ERC1: variants seen among roughly 807,000 people sequenced by gnomAD.
ERC1 encodes RAB6 interacting protein 2.
A neutral mutation model predicts 132.0 loss-of-function variants in ERC1; 56 were observed. The ratio of observed to expected loss-of-function variants is 0.42; its 90% CI spans 0.34 to 0.53. ERC1 has a LOEUF of 0.53. Ranked by LOEUF, ERC1 falls within the 20% of genes least tolerant of loss-of-function variation. The pLI is 0.03. For synonymous variants in ERC1, 478 were observed against 476.1 expected (o/e 1.00, Z -0.05); for missense variants, 1,202 against 1,349.9 (o/e 0.89, Z 1.72).
chr12:1,488,009 G>A (rs896271439), intron 18 of ERC1, among the ~76,000 whole-genome samples: 1 of 151,912 alleles, frequency 6.6e-6, no homozygotes, highest in African/African-American at 2.4e-5. Context: ...GTGGTAGCAG[G>A]CGCCTGTAGT....
intron 2 of ERC1, among the ~76,000 whole-genome samples, chr12:1,079,353 G>T (rs12819323): frequency 7.4e-6 from 1 of 135,198 alleles, no homozygotes; most frequent in Non-Finnish European, 1.6e-5. Context: ...CAGAGATACA[G>T]ATAGAAATGA....
chr12:1,265,346 A>G (rs2077409723), intron 14 of ERC1, among the ~76,000 whole-genome samples: 1 of 152,168 alleles, frequency 6.6e-6, no homozygotes, highest in Non-Finnish European at 1.5e-5. Flanking sequence ...GACTTCTGTT[A>G]TGTATTTTCC....
At chr12:1,040,586 G>A (rs907322068) in intron 2 of ERC1, among the ~76,000 whole-genome samples, 5 of 152,130 alleles carry the variant, frequency 3.3e-5, no homozygotes, top group African/African-American at 7.2e-5. Flanking sequence ...GTTTACAGGC[G>A]TGAGCCACCG....
intron 15 of ERC1, among the ~76,000 whole-genome samples, chr12:1,353,046 T>C (rs991276965): frequency 4.1e-5 from 6 of 147,454 alleles, no homozygotes; most frequent in African/African-American, 7.7e-5. Context: ...TTTTTTTTTT[T>C]CTGAGATGGA....
At chr12:1,351,415 G>A (rs73038661) in intron 15 of ERC1, among the ~76,000 whole-genome samples, 10,291 of 152,228 alleles carry the variant, frequency 0.068, 646 homozygotes, top group African/African-American at 0.16. Context: ...ACCATTTTGC[G>A]TTCCCACCAG....
chr12:1,357,447 A>G (rs548423529), intron 15 of ERC1, among the ~76,000 whole-genome samples: 12 of 152,362 alleles, frequency 7.9e-5, no homozygotes, highest in African/African-American at 2.9e-4. Flanking sequence ...TGCCGAAAGC[A>G]TTCAATAATT....
intron 12 of ERC1, among the ~76,000 whole-genome samples, chr12:1,212,762 C>G (rs1268888364): frequency 6.6e-6 from 1 of 152,198 alleles, no homozygotes; most frequent in Non-Finnish European, 1.5e-5. Context: ...AGGGGCCAGG[C>G]TCCTCCCTGC....
intron 13 of ERC1, among the ~76,000 whole-genome samples, chr12:1,247,224 G>A (rs1041522289): frequency 4.0e-5 from 6 of 151,668 alleles, no homozygotes; most frequent in African/African-American, 1.2e-4. Context: ...GTGAGACCCT[G>A]TCTCAAAAAA....
At chr12:1,225,836 G>A (rs1165140703) in intron 12 of ERC1, among the ~76,000 whole-genome samples, 1 of 152,140 alleles carries the variant, frequency 6.6e-6, no homozygotes, top group South Asian at 2.1e-4. Context: ...AGGAATTTCT[G>A]CACCATTTAA....
chr12:1,384,738 T>G (rs2089126158), intron 16 of ERC1, among the ~76,000 whole-genome samples: 1 of 152,194 alleles, frequency 6.6e-6, no homozygotes, highest in South Asian at 2.1e-4. Context: ...TTGTTGAGCT[T>G]TAATACTAAA....
intron 18 of ERC1, among the ~76,000 whole-genome samples, chr12:1,485,221 T>C (rs2094189078): frequency 6.8e-6 from 1 of 147,020 alleles, no homozygotes; most frequent in Non-Finnish European, 1.5e-5. Flanking sequence ...TTTTTTTTTT[T>C]TGAGACAGAG....
intron 15 of ERC1, among the ~76,000 whole-genome samples, chr12:1,314,061 G>A (rs1227124771): frequency 6.6e-6 from 1 of 152,158 alleles, no homozygotes; most frequent in African/African-American, 2.4e-5. Context: ...GTGAGTCTAT[G>A]TTGCTGACAT....
chr12:1,416,260 C>G (rs984397448), intron 17 of ERC1, among the ~76,000 whole-genome samples: 2 of 151,908 alleles, frequency 1.3e-5, no homozygotes, highest in Non-Finnish European at 2.9e-5. Context: ...ATGTGACTAA[C>G]CAGGAATCTA....
At chr12:1,241,096 G>T (rs960596178) in intron 13 of ERC1, among the ~76,000 whole-genome samples, 1 of 152,170 alleles carries the variant, frequency 6.6e-6, no homozygotes, top group Non-Finnish European at 1.5e-5. Flanking sequence ...TATATGAAGT[G>T]TTGTAGCTTT....
chr12:1,385,562 G>C (rs1168848569), intron 16 of ERC1, among the ~76,000 whole-genome samples: 2 of 152,214 alleles, frequency 1.3e-5, no homozygotes, highest in Non-Finnish European at 2.9e-5. Flanking sequence ...TGGGATTCCA[G>C]GCGTGAGCCA....
intron 1 of ERC1, among the ~76,000 whole-genome samples, chr12:1,018,423 C>T (rs1210596236): frequency 6.6e-6 from 1 of 152,182 alleles, no homozygotes; most frequent in African/African-American, 2.4e-5. Flanking sequence ...CCATGTTGGC[C>T]AGGCTGGTCT....
intron 16 of ERC1, among the ~76,000 whole-genome samples, chr12:1,399,471 G>A (rs555395052): frequency 3.3e-5 from 5 of 152,070 alleles, no homozygotes; most frequent in East Asian, 1.9e-4. Context: ...CAGTGTCATC[G>A]CTTTTTATAT....
At chr12:1,202,660 A>AG (rs1032293125) in intron 12 of ERC1, among the ~76,000 whole-genome samples, 1 of 152,128 alleles carries the variant, frequency 6.6e-6, no homozygotes, top group Non-Finnish European at 1.5e-5. Flanking sequence ...TGTCTCAAAA[A>AG]GGAAAAAAAA....
intron 18 of ERC1, among the ~76,000 whole-genome samples, chr12:1,450,797 G>A (rs551118152): frequency 3.9e-5 from 6 of 152,218 alleles, no homozygotes; most frequent in South Asian, 2.1e-4. Flanking sequence ...TCCATATCCC[G>A]GCCAACACTT....
Sources: gnomAD v4.1 joint callset for allele counts (sites outside exome capture counted in the v4.1 genomes callset) on GRCh38, gnomAD v4.1.1 for gene constraint, MANE v1.5 for transcripts, NCBI Gene and HGNC (gene_info 2026-07-23, HGNC 2026-07-21) for gene names.